The following DEAF1 variants were observed in gnomAD, a reference collection of about 807,000 sequenced individuals.
The protein encoded by DEAF1 is DEAF1 transcription factor, also known as deformed epidermal autoregulatory factor 1 homolog.
A neutral mutation model predicts 58.9 loss-of-function variants in DEAF1; 53 were observed. The ratio of observed to expected loss-of-function variants is 0.90; its 90% confidence interval spans 0.72 to 1.13. DEAF1 has a LOEUF of 1.13. Ranked by LOEUF, DEAF1 falls within the 50% of genes most tolerant of loss-of-function variation. DEAF1 has a pLI of 0.00. For synonymous variants in DEAF1, 385 were observed against 340.4 expected (o/e 1.13, Z -1.44); for missense variants, 685 against 791.4 (o/e 0.87, Z 1.61).
At chr11:691,663 G>A (rs1037892708) in intron 1 of DEAF1, 65 bp from the exon 2 acceptor site, 29 of 1,441,534 alleles carry the variant, frequency 2.0e-5, no homozygotes, top group Admixed American at 9.1e-5. Flanking sequence ...GAACAGCCTC[G>A]CTCAGGTGCT....
intron 7 of DEAF1, among the ~76,000 whole-genome samples, chr11:680,278 G>A (rs1176165226): frequency 6.6e-6 from 1 of 152,202 alleles, no homozygotes; most frequent in Non-Finnish European, 1.5e-5. Context: ...CTCTGCTGCT[G>A]TGGGACTCTT....
chr11:689,820 G>A (rs1159341214), intron 2 of DEAF1: 1 of 152,214 alleles, frequency 6.6e-6, no homozygotes, highest in African/African-American at 2.4e-5. Flanking sequence ...TGGCCTGGAG[G>A]GGAGAAAACC....
intron 1 of DEAF1, chr11:703,098 A>G (rs2133477185): frequency 1.2e-6 from 2 of 1,611,532 alleles, no homozygotes; most frequent in Middle Eastern, 1.7e-4. Flanking sequence ...CTGGCCCTTC[A>G]CGGCCTGGAG....
At chr11:687,663 A>G (rs1157191422) in intron 4 of DEAF1, among the ~76,000 whole-genome samples, 1 of 151,984 alleles carries the variant, frequency 6.6e-6, no homozygotes, top group East Asian at 1.9e-4. Flanking sequence ...ACGCTCCACT[A>G]ATTTTTTGTA....
intron 11 of DEAF1, among the ~76,000 whole-genome samples, chr11:645,339 CAG>C (rs546000419): frequency 1.7e-3 from 253 of 152,118 alleles, no homozygotes; most frequent in Admixed American, 3.9e-3. Flanking sequence ...GTTTTTCGGA[CAG>C]AGTTTCGCTC....
intron 6 of DEAF1, 32 bp from the exon 7 acceptor site, chr11:681,121 C>T (rs942720246): frequency 3.7e-6 from 6 of 1,613,240 alleles, no homozygotes; most frequent in Non-Finnish European, 5.1e-6. Context: ...CCACCACCTT[C>T]ATGTGTGCAA....
At chr11:669,403 G>A (rs985545491) in intron 10 of DEAF1, among the ~76,000 whole-genome samples, 6 of 152,270 alleles carry the variant, frequency 3.9e-5, no homozygotes, top group Middle Eastern at 3.4e-3. Flanking sequence ...TTGGGAGGCC[G>A]AGGTGGGCAG....
intron 9 of DEAF1, chr11:678,380 AC>A: frequency 8.0e-6 from 3 of 377,072 alleles, no homozygotes; most frequent in South Asian, 6.4e-5. Flanking sequence ...GGGAGTGTCT[AC>A]CCTCAAGAGG....
intron 6 of DEAF1, among the ~76,000 whole-genome samples, chr11:681,423 T>A (rs1468385212): frequency 5.3e-5 from 8 of 151,152 alleles, no homozygotes; most frequent in Non-Finnish European, 1.2e-4. Context: ...TTTTTTTTTT[T>A]TTTTTGAGAC....
chr11:700,750 T>TG (rs1453429595), intron 1 of DEAF1: 1 of 1,527,744 alleles, frequency 6.5e-7, no homozygotes, highest in Non-Finnish European at 9.1e-7. Flanking sequence ...TCCTAAGAGT[T>TG]GCTATCTGTT....
chr11:689,202 C>CTTTTTTTTTTTT (rs34046317), intron 2 of DEAF1, among the ~76,000 whole-genome samples: 6 of 94,162 alleles, frequency 6.4e-5, no homozygotes, highest in East Asian at 3.3e-4. Flanking sequence ...TTTTCTTTTT[C>CTTTTTTTTTTTT]TTTTTTTTTT....
chr11:669,731 A>C (rs1859722515), intron 10 of DEAF1, among the ~76,000 whole-genome samples: 2 of 151,540 alleles, frequency 1.3e-5, no homozygotes, highest in Admixed American at 6.6e-5. Flanking sequence ...GGAGTTCAAG[A>C]CCAGCCTGAC....
chr11:685,082 C>CTTTTTTTTTTT, intron 5 of DEAF1, 119 bp from the exon 6 acceptor site: 1 of 357,428 alleles, frequency 2.8e-6, no homozygotes, highest in Non-Finnish European at 4.9e-6. Flanking sequence ...TATAAAAATT[C>CTTTTTTTTTTT]TTTTTTTTTT....
intron 10 of DEAF1, among the ~76,000 whole-genome samples, chr11:654,276 C>T (rs1589975588): frequency 6.8e-6 from 1 of 146,312 alleles, no homozygotes; most frequent in South Asian, 2.2e-4. Context: ...TCAAGCAATT[C>T]TCCTGTCTCA....
At chr11:683,855 GACATCTA>G (rs1332520908) in intron 6 of DEAF1, among the ~76,000 whole-genome samples, 3 of 152,142 alleles carry the variant, frequency 2.0e-5, no homozygotes, top group Non-Finnish European at 4.4e-5. Context: ...TTCCTAGACT[GACATCTA>G]AGTACTTCAG....
chr11:695,740 A>T, upstream of DEAF1: 1 of 1,240,120 alleles, frequency 8.1e-7, no homozygotes, highest in Non-Finnish European at 1.0e-6. Flanking sequence ...CCCCTTCGTC[A>T]GGAGACGCGA....
intron 10 of DEAF1, among the ~76,000 whole-genome samples, chr11:657,503 T>A (rs561062581): frequency 6.6e-6 from 1 of 151,992 alleles, no homozygotes; most frequent in African/African-American, 2.4e-5. Context: ...ATCAAATAAA[T>A]AAATACAAGT....
intron 10 of DEAF1, 46 bp downstream of exon 10, chr11:674,490 G>A: frequency 1.2e-6 from 2 of 1,612,804 alleles, no homozygotes; most frequent in South Asian, 2.2e-5. Context: ...GGGTGGCCTG[G>A]GGTTACTCGG....
chr11:657,136 G>T (rs537760223), intron 10 of DEAF1, among the ~76,000 whole-genome samples: 1 of 151,864 alleles, frequency 6.6e-6, no homozygotes, highest in East Asian at 1.9e-4. Context: ...TGGCACCCAG[G>T]CCTCACTCTC....
Sources: gnomAD v4.1 joint callset for allele counts (sites outside exome capture counted in the v4.1 genomes callset) on GRCh38, gnomAD v4.1.1 for gene constraint, MANE v1.5 for transcripts, NCBI Gene and HGNC (gene_info 2026-07-23, HGNC 2026-07-21) for gene names.